Variants in SCHIP1 observed in about 807,000 individuals in gnomAD.
SCHIP1 encodes the protein schwannomin interacting protein 1.
Under a neutral mutation model 29.7 loss-of-function variants are expected in SCHIP1, and 8 were observed. The observed-to-expected ratio is 0.27, with a 90% CI of 0.16 to 0.49. The LOEUF (loss-of-function observed/expected upper bound fraction) is 0.49. Ranked by LOEUF, SCHIP1 falls within the 20% of genes least tolerant of loss-of-function variation. SCHIP1 has a pLI of 0.99. For synonymous variants in SCHIP1, 76 were observed against 94.9 expected, an observed-to-expected ratio of 0.80 and a Z score of 1.16; for missense variants, 193 against 294.6, an observed-to-expected ratio of 0.66 and a Z score of 2.52.
the SCHIP1 span, among the ~76,000 whole-genome samples, chr3:159,440,243 T>G: frequency 1.1e-4 from 16 of 152,252 alleles, no homozygotes; most frequent in South Asian, 1.5e-3. Flanking sequence ...GGGCTCTGTA[T>G]TCTGTATTCT....
At chr3:159,303,380 T>C in the SCHIP1 span, among the ~76,000 whole-genome samples, 1 of 151,780 alleles carries the variant, frequency 6.6e-6, no homozygotes, top group African/African-American at 2.4e-5. Flanking sequence ...GAGTAAGTTT[T>C]AGGGAAAAGG....
At chr3:159,661,144 G>A in the SCHIP1 span, among the ~76,000 whole-genome samples, 1 of 151,998 alleles carries the variant, frequency 6.6e-6, no homozygotes, top group South Asian at 2.1e-4. Flanking sequence ...GCAAAAAGGG[G>A]GCAATAATTA....
the SCHIP1 span, among the ~76,000 whole-genome samples, chr3:159,735,433 T>C: frequency 6.6e-6 from 1 of 152,184 alleles, no homozygotes; most frequent in African/African-American, 2.4e-5. Context: ...TTTTACCATG[T>C]TGGCCAGTCT....
At chr3:159,546,565 T>C in the SCHIP1 span, among the ~76,000 whole-genome samples, 1 of 152,066 alleles carries the variant, frequency 6.6e-6, no homozygotes, top group Non-Finnish European at 1.5e-5. Context: ...AAAGCTATCC[T>C]TCCTCTCCCC....
the SCHIP1 span, among the ~76,000 whole-genome samples, chr3:159,422,505 A>G: frequency 6.6e-6 from 1 of 152,240 alleles, no homozygotes; most frequent in African/African-American, 2.4e-5. Flanking sequence ...GATCCCAAGC[A>G]TGCAGCTCAG....
chr3:159,326,678 C>T, the SCHIP1 span, among the ~76,000 whole-genome samples: 6,816 of 152,078 alleles, frequency 0.045, 413 homozygotes, highest in African/African-American at 0.14. Flanking sequence ...TTCTTACAAA[C>T]CTCCCCTATG....
chr3:159,494,646 T>C, the SCHIP1 span, among the ~76,000 whole-genome samples: 24 of 152,194 alleles, frequency 1.6e-4, no homozygotes, highest in Non-Finnish European at 3.2e-4. Context: ...CAGGACCAGA[T>C]GGATTCACAG....
the SCHIP1 span, among the ~76,000 whole-genome samples, chr3:159,801,079 C>G: frequency 6.6e-5 from 10 of 151,662 alleles, no homozygotes; most frequent in Non-Finnish European, 1.2e-4. Context: ...GCTTTTCTTC[C>G]TTTTCACTCC....
the SCHIP1 span, chr3:159,764,511 TTCA>T: frequency 6.3e-7 from 1 of 1,587,026 alleles, no homozygotes; most frequent in Non-Finnish European, 8.6e-7. This position sits in a 1 kb window ranked among gnomAD's most constrained non-coding sequence, Gnocchi z 6.1. Flanking sequence ...GCCGCGCCAG[TTCA>T]CAGTCCAACT....
the SCHIP1 span, among the ~76,000 whole-genome samples, chr3:159,639,413 T>A: frequency 6.6e-6 from 1 of 152,180 alleles, no homozygotes; most frequent in Admixed American, 6.6e-5. Flanking sequence ...TTATTTCCTT[T>A]TTTTGGTTTC....
the SCHIP1 span, among the ~76,000 whole-genome samples, chr3:159,309,671 C>T: frequency 2.0e-5 from 3 of 152,062 alleles, no homozygotes; most frequent in Non-Finnish European, 1.5e-5. Context: ...TCTTATCAGA[C>T]TAAAATTTTT....
At chr3:159,790,716 C>A in the SCHIP1 span, among the ~76,000 whole-genome samples, 1 of 152,132 alleles carries the variant, frequency 6.6e-6, no homozygotes, top group Non-Finnish European at 1.5e-5. Flanking sequence ...TTCCATCTTT[C>A]TCTGCACATT....
At chr3:159,713,311 G>T in the SCHIP1 span, among the ~76,000 whole-genome samples, 737 of 151,732 alleles carry the variant, frequency 4.9e-3, 9 homozygotes, top group Admixed American at 0.022. Flanking sequence ...AAAGAAAAAG[G>T]AAATGCATCT....
chr3:159,705,760 G>A, the SCHIP1 span, among the ~76,000 whole-genome samples: 1 of 152,198 alleles, frequency 6.6e-6, no homozygotes, highest in African/African-American at 2.4e-5. Flanking sequence ...AGGCTGGAGT[G>A]CAGTGGCGCG....
the SCHIP1 span, among the ~76,000 whole-genome samples, chr3:159,521,744 C>T: frequency 6.6e-6 from 1 of 152,174 alleles, no homozygotes; most frequent in South Asian, 2.1e-4. Context: ...TATGTTGTGC[C>T]CCTGAGTTGG....
chr3:159,500,363 T>A, the SCHIP1 span, among the ~76,000 whole-genome samples: 1 of 152,158 alleles, frequency 6.6e-6, no homozygotes, highest in Admixed American at 6.5e-5. Flanking sequence ...GCTTAGTTAC[T>A]GTATCACAAC....
the SCHIP1 span, among the ~76,000 whole-genome samples, chr3:159,719,082 A>C: frequency 1.3e-5 from 2 of 152,198 alleles, no homozygotes; most frequent in African/African-American, 4.8e-5. Context: ...GATACCACAC[A>C]TCTACAACCA....
chr3:159,628,916 G>A, the SCHIP1 span, among the ~76,000 whole-genome samples: 1 of 151,676 alleles, frequency 6.6e-6, no homozygotes, highest in Non-Finnish European at 1.5e-5. Context: ...TACAGTTGGT[G>A]GAGAATAGAC....
At chr3:159,412,023 C>G in the SCHIP1 span, among the ~76,000 whole-genome samples, 18 of 152,256 alleles carry the variant, frequency 1.2e-4, no homozygotes, top group African/African-American at 4.1e-4. Context: ...TTCTGAAGTA[C>G]TTATTTTGTA....
Sources: allele counts gnomAD v4.1 joint callset (sites outside exome capture counted in the v4.1 genomes callset), GRCh38; gene constraint gnomAD v4.1.1; non-coding constraint Gnocchi (gnomAD v3.1); transcripts MANE v1.5; gene names NCBI Gene and HGNC (gene_info 2026-07-23, HGNC 2026-07-21).